The following PNLIPRP3 variants were observed in gnomAD, a reference collection of about 807,000 sequenced individuals.
PNLIPRP3 encodes pancreatic lipase-related protein 3.
Under a neutral mutation model 52.8 loss-of-function variants are expected in PNLIPRP3, and 58 were observed. That is an observed-to-expected ratio of 1.10 (90% confidence interval 0.89 to 1.37). The LOEUF is 1.37. Ranked by LOEUF, PNLIPRP3 falls within the 40% of genes most tolerant of loss-of-function variation. The pLI is 0.00. For synonymous variants in PNLIPRP3, 192 were observed against 185.0 expected, an observed-to-expected ratio of 1.04 and a Z score of -0.31; for missense variants, 593 against 561.6, an observed-to-expected ratio of 1.06 and a Z score of -0.57.
At chr10:116,455,660 G>A in intron 4 of PNLIPRP3, 62 bp from the exon 5 acceptor site, 1 of 1,132,286 alleles carries the variant, frequency 8.8e-7, no homozygotes, top group East Asian at 2.4e-5. Flanking sequence ...TATTTTTAAA[G>A]CATATTTAAG....
chr10:116,467,678 G>T (rs951097162), intron 8 of PNLIPRP3, among the ~76,000 whole-genome samples: 2 of 151,856 alleles, frequency 1.3e-5, no homozygotes, highest in Admixed American at 1.3e-4. Flanking sequence ...TATGTTTCTG[G>T]ATTTGCTGTT....
At chr10:116,449,244 A>G (rs1846001339) in intron 4 of PNLIPRP3, among the ~76,000 whole-genome samples, 1 of 152,196 alleles carries the variant, frequency 6.6e-6, no homozygotes, top group Non-Finnish European at 1.5e-5. Flanking sequence ...TTCTCCATCA[A>G]TAATACTTTA....
intron 2 of PNLIPRP3, among the ~76,000 whole-genome samples, chr10:116,437,735 C>T (rs1845796648): frequency 6.6e-6 from 1 of 152,062 alleles, no homozygotes; most frequent in Non-Finnish European, 1.5e-5. Context: ...ACTGTGCTGT[C>T]CAACATAGTA....
intron 3 of PNLIPRP3, 133 bp downstream of exon 3, chr10:116,443,307 G>A (rs1435081050): frequency 7.2e-6 from 7 of 973,110 alleles, no homozygotes; most frequent in Non-Finnish European, 9.7e-6. Context: ...GTGTTCTGGG[G>A]CCTCAAATTA....
chr10:116,433,972 G>A (rs867732829), intron 1 of PNLIPRP3, among the ~76,000 whole-genome samples: 28 of 152,150 alleles, frequency 1.8e-4, no homozygotes, highest in Non-Finnish European at 2.5e-4. Context: ...TAGAGTGACC[G>A]GCATAAGGGT....
At chr10:116,445,324 A>G (rs1845929000) in intron 4 of PNLIPRP3, among the ~76,000 whole-genome samples, 1 of 152,206 alleles carries the variant, frequency 6.6e-6, no homozygotes, top group African/African-American at 2.4e-5. Context: ...AGGCAGTAGA[A>G]TGGAGAATGG....
intron 4 of PNLIPRP3, among the ~76,000 whole-genome samples, chr10:116,448,835 G>A (rs1395160822): frequency 6.6e-6 from 1 of 151,892 alleles, no homozygotes; most frequent in African/African-American, 2.4e-5. Context: ...GGCCAACGTG[G>A]TGAAATCCCA....
rs577766734 is a variant in PNLIPRP3, at chr10:116,444,630, A to G, written c.456+117A>G. 14 of 1,042,382 alleles carry G rather than the reference A, an allele frequency of 1.3e-5. No homozygotes were observed. In the African/African-American group the frequency reaches 2.1e-4, roughly 16 times the overall value. 64.6% of individuals were successfully genotyped at this position (1,042,382 alleles called of 1,614,324 possible). ...GCTTAGACAGGTACTGAACATGTGA[A>G]ATAATAAGCATTTGTATATGGCAGA... On this transcript the variant is annotated intron_variant, in intron 4 of 11. Transcript: ENST00000369230.
Position 116,461,164 on chromosome 10 carries a change from T to C in PNLIPRP3, c.686-4T>C. On this transcript the variant is annotated splice_region_variant and splice_polypyrimidine_tract_variant and intron_variant, in intron 6 of 11. Coordinates refer to ENST00000369230, the MANE Select transcript of PNLIPRP3 (RefSeq NM_001011709.3). ...GGCATTTACCCTGTTTTTATTTATT[T>C]CAGGTGTTGGAACCATTGATGCTTG... is the stretch of plus-strand genomic sequence containing the variant. The C allele has an allele frequency of 6.2e-7, 1 of 1,614,190 alleles. No individual in the cohort carries two copies. Among genetic ancestry groups the C allele is most frequent in the Non-Finnish European group, 8.5e-7 (1 of 1,180,018 alleles).
chr10:116,477,105 C>G lies in PNLIPRP3; in HGVS notation c.1356C>G (p.Ser452Arg), dbSNP rs762347952. ...GKYGYKSTFC[S>R]QDIMGPNILQ... ...AAACTTTCAGATCTACCTTCTGTAGCCAAGACATTATGGGACCTAATATTC... is the reference window on the plus strand; with the variant it reads ...AAACTTTCAGATCTACCTTCTGTAGGCAAGACATTATGGGACCTAATATTC... Residue 452 changes from serine (S) to arginine (R), a missense_variant, in exon 12 of 12, where the codon AGC becomes AGG. Transcript: ENST00000369230. 1.9e-6 allele frequency: 3 copies of G among 1,595,968 alleles called. No individual in the cohort carries two copies. Among genetic ancestry groups the G allele is most frequent in the Non-Finnish European group, 2.6e-6 (3 of 1,167,948 alleles).
At chr10:116,467,541 A>G (rs1846299974) in intron 8 of PNLIPRP3, among the ~76,000 whole-genome samples, 1 of 152,204 alleles carries the variant, frequency 6.6e-6, no homozygotes, top group Admixed American at 6.5e-5. Context: ...TTCACATTTC[A>G]TTCCTTTTCC....
chr10:116,446,479 T>C (rs550004701), intron 4 of PNLIPRP3, among the ~76,000 whole-genome samples: 1 of 151,894 alleles, frequency 6.6e-6, no homozygotes, highest in South Asian at 2.1e-4. Context: ...CTGTGACTTA[T>C]AAAACTGTCA....
Position 116,444,523 on chromosome 10 carries a change from G to T in PNLIPRP3, c.456+10G>T, listed in dbSNP as rs190070386. The T allele has an allele frequency of 4.4e-6, 7 of 1,604,120 alleles. No homozygotes were observed. Among genetic ancestry groups the T allele is most frequent in the Non-Finnish European group, 5.9e-6 (7 of 1,176,698 alleles). ...TATTGATGTTCTCATGGTAAGAAGA[G>T]TTGATTTTTTTTTAATTATATTGAA... On this transcript the variant is annotated intron_variant, in intron 4 of 11. Transcript: ENST00000369230.
chr10:116,443,801 G>GTGTATATA lies in PNLIPRP3; in HGVS notation c.325-581_325-580insTGTATATA, dbSNP rs1845898955. On this transcript the variant is annotated intron_variant, in intron 3 of 11. Coordinates refer to ENST00000369230, the MANE Select transcript of PNLIPRP3 (RefSeq NM_001011709.3). The stretch of plus-strand genomic sequence containing the variant: ...TGTGTGTGTGTATGTATGTGTGTGT[G>GTGTATATA]CATATATATATATATATATATATAT... Among the ~76,000 whole-genome samples, 36 of 11,152 alleles carry GTGTATATA rather than the reference G, an allele frequency of 3.2e-3. 2 individuals are homozygous for GTGTATATA. The highest frequency in any genetic ancestry group is 0.022 in the East Asian group (9 of 404). 7.3% of individuals were successfully genotyped at this position (11,152 alleles called of 152,430 possible). A position where few individuals can be genotyped will look rare whatever the true frequency, so the allele number is the denominator to read the frequency against.
intron 10 of PNLIPRP3, among the ~76,000 whole-genome samples, chr10:116,473,902 T>C (rs12241434): frequency 0.013 from 1,903 of 149,392 alleles, 44 homozygotes; most frequent in African/African-American, 0.045. Flanking sequence ...TACCATTGAG[T>C]TTCTTCACAG....
At chr10:116,469,139 A>G (rs1436260911) in intron 8 of PNLIPRP3, 46 bp from the exon 9 acceptor site, 1 of 1,554,988 alleles carries the variant, frequency 6.4e-7, no homozygotes, top group Admixed American at 1.9e-5. Flanking sequence ...TTGAAGGACA[A>G]CATTTCTAAT....
intron 1 of PNLIPRP3, among the ~76,000 whole-genome samples, chr10:116,435,684 T>C (rs1845764813): frequency 1.3e-5 from 2 of 152,228 alleles, no homozygotes; most frequent in African/African-American, 4.8e-5. Context: ...ATTCACGATG[T>C]TGAGCATCTT....
intron 2 of PNLIPRP3, 136 bp downstream of exon 2, chr10:116,437,001 A>T: frequency 1.1e-6 from 1 of 896,132 alleles, no homozygotes; most frequent in Non-Finnish European, 1.6e-6. Flanking sequence ...TTTCAGTATT[A>T]TGAGTCAGAT....
At chr10:116,430,881 T>C (rs76768712) in intron 1 of PNLIPRP3, among the ~76,000 whole-genome samples, 4,519 of 152,234 alleles carry the variant, frequency 0.03, 137 homozygotes, top group East Asian at 0.087. Flanking sequence ...TCTCTCCAGC[T>C]GAACTTCTCC....
Sources: gnomAD v4.1 joint callset for allele counts (sites outside exome capture counted in the v4.1 genomes callset) on GRCh38, gnomAD v4.1.1 for gene constraint, MANE v1.5 for transcripts, NCBI Gene and HGNC (gene_info 2026-07-23, HGNC 2026-07-21) for gene names.